Variants in EMSY observed in about 807,000 individuals in gnomAD.
EMSY encodes the protein EMSY transcriptional repressor, BRCA2 interacting.
A neutral mutation model predicts 134.6 loss-of-function variants in EMSY; 26 were observed. That is an observed-to-expected ratio of 0.19 (90% CI 0.14 to 0.27). The LOEUF (loss-of-function observed/expected upper bound fraction) is 0.27. EMSY is among the 10% of genes least tolerant of loss of function. The pLI, the probability that EMSY is intolerant of heterozygous loss-of-function variation, is 1.00. For missense variants in EMSY, 1,305 were observed against 1,611.4 expected (o/e 0.81, Z 3.26); for synonymous variants, 579 against 577.8 (o/e 1.00, Z -0.03).
intron 9 of EMSY, among the ~76,000 whole-genome samples, chr11:76,512,358 T>C (rs1473141605): frequency 6.6e-6 from 1 of 152,166 alleles, no homozygotes. Flanking sequence ...TTTGCATTGC[T>C]CTAGTATATT....
At chr11:76,477,769 T>C (rs535564374) in intron 8 of EMSY, among the ~76,000 whole-genome samples, 64 of 152,332 alleles carry the variant, frequency 4.2e-4, no homozygotes, top group African/African-American at 1.2e-3. Flanking sequence ...GTAATTAGCT[T>C]TTATTGTTAT....
chr11:76,479,863 A>G (rs1004085444), intron 8 of EMSY, among the ~76,000 whole-genome samples: 4 of 152,214 alleles, frequency 2.6e-5, no homozygotes, highest in Non-Finnish European at 5.9e-5. Context: ...GAAAAAGTGG[A>G]TCCATCAGCA....
chr11:76,521,887 A>C (rs188637027), intron 11 of EMSY, among the ~76,000 whole-genome samples: 352 of 152,186 alleles, frequency 2.3e-3, no homozygotes, highest in African/African-American at 8.2e-3. Flanking sequence ...AGCCAGGGCA[A>C]CATAGTGAGA....
intron 2 of EMSY, among the ~76,000 whole-genome samples, chr11:76,447,690 C>T (rs199607280): frequency 1.3e-5 from 2 of 152,042 alleles, no homozygotes; most frequent in East Asian, 3.8e-4. Flanking sequence ...CTAACTTCGC[C>T]CTGTGCATCT....
At chr11:76,453,139 C>CT (rs1467027435) in intron 3 of EMSY, among the ~76,000 whole-genome samples, 175 bp from the exon 4 acceptor site, 1 of 152,036 alleles carries the variant, frequency 6.6e-6, no homozygotes, top group African/African-American at 2.4e-5. Flanking sequence ...AGTATGAATC[C>CT]TTTTCTAAGA....
intron 12 of EMSY, 36 bp from the exon 14 acceptor site, chr11:76,526,424 CAT>C: frequency 6.8e-7 from 1 of 1,477,304 alleles, no homozygotes; most frequent in Non-Finnish European, 9.1e-7. Context: ...CATTTATATG[CAT>C]ATAAATCTCT....
chr11:76,494,665 T>C (rs1203903720), intron 8 of EMSY, among the ~76,000 whole-genome samples: 1 of 5,054 alleles, frequency 2.0e-4, no homozygotes, highest in African/African-American at 6.1e-4. Flanking sequence ...CTTCCTTCCT[T>C]CCTTCCTTCC....
At chr11:76,446,723 C>G (rs893864447) in intron 1 of EMSY, among the ~76,000 whole-genome samples, 177 bp from the exon 2 acceptor site, 1 of 152,176 alleles carries the variant, frequency 6.6e-6, no homozygotes, top group South Asian at 2.1e-4. Context: ...TGTGATAGTT[C>G]AAATGACTTA....
At chr11:76,486,094 C>T (rs1462830948) in intron 8 of EMSY, among the ~76,000 whole-genome samples, 1 of 152,178 alleles carries the variant, frequency 6.6e-6, no homozygotes, top group Non-Finnish European at 1.5e-5. Flanking sequence ...ATTTCATGTC[C>T]TTTGCGGGGA....
At chr11:76,548,735 G>A (rs915384396) in intron 20 of EMSY, among the ~76,000 whole-genome samples, 6 of 152,194 alleles carry the variant, frequency 3.9e-5, no homozygotes, top group Admixed American at 1.3e-4. Flanking sequence ...ACAGAACTTC[G>A]TGACTCCAGA....
chr11:76,528,106 C>T (rs2513523), intron 13 of EMSY, among the ~76,000 whole-genome samples, 162 bp from the exon 15 acceptor site: 83,682 of 151,902 alleles, frequency 0.55, 24,077 homozygotes, highest in East Asian at 0.73. Flanking sequence ...TGTAATTTGT[C>T]TGTAGATTGA....
At chr11:76,472,821 C>A (rs2135366163) in exon 8 of EMSY, 1 of 1,614,010 alleles carries the variant, frequency 6.2e-7, no homozygotes, top group South Asian at 1.1e-5. Flanking sequence ...CATCTGTGGT[C>A]ATGTCAACAG....
intron 9 of EMSY, 128 bp downstream of exon 10, chr11:76,496,597 C>A: frequency 1.0e-6 from 1 of 1,001,640 alleles, no homozygotes; most frequent in African/African-American, 1.6e-5. Flanking sequence ...CAGTGTTTTA[C>A]AGCTTTCAGC....
At chr11:76,458,818 G>A (rs984813433) in intron 5 of EMSY, 2 of 152,424 alleles carry the variant, frequency 1.3e-5, no homozygotes, top group African/African-American at 4.8e-5. Flanking sequence ...CCTGGCAGAA[G>A]GGTTTTATCA....
At chr11:76,544,149 C>A (rs1951552127) in intron 18 of EMSY, 110 bp from the exon 20 acceptor site, 6 of 1,152,908 alleles carry the variant, frequency 5.2e-6, no homozygotes, top group Non-Finnish European at 7.2e-6. Flanking sequence ...TTTCTAGGTT[C>A]TTCTGAAAAT....
intron 14 of EMSY, among the ~76,000 whole-genome samples, chr11:76,534,897 G>A (rs1467698351): frequency 6.6e-6 from 1 of 152,106 alleles, no homozygotes; most frequent in Non-Finnish European, 1.5e-5. Context: ...AAGGAGTTTA[G>A]GAAGTTTGTA....
chr11:76,503,284 G>C (rs1481437754), intron 9 of EMSY, among the ~76,000 whole-genome samples: 1 of 119,210 alleles, frequency 8.4e-6, no homozygotes, highest in Non-Finnish European at 1.6e-5. Flanking sequence ...CTGGGTGACA[G>C]AGCAAGGCGT....
intron 11 of EMSY, among the ~76,000 whole-genome samples, chr11:76,522,257 G>A (rs1950667673): frequency 6.7e-6 from 1 of 149,288 alleles, no homozygotes; most frequent in South Asian, 2.1e-4. Flanking sequence ...GTTTATATAT[G>A]CAAATTAGAG....
At chr11:76,481,360 A>G (rs1321983714) in intron 8 of EMSY, among the ~76,000 whole-genome samples, 1 of 151,950 alleles carries the variant, frequency 6.6e-6, no homozygotes, top group Non-Finnish European at 1.5e-5. Context: ...TTTGTTTTTC[A>G]TACCCTAGTG....
Sources: gnomAD v4.1 joint callset for allele counts (sites outside exome capture counted in the v4.1 genomes callset) on GRCh38, gnomAD v4.1.1 for gene constraint, MANE v1.5 for transcripts, NCBI Gene and HGNC (gene_info 2026-07-23, HGNC 2026-07-21) for gene names.